Variants in ZNF536 observed in about 807,000 individuals in gnomAD.
ZNF536 encodes zinc finger protein 536.
In ZNF536, 13 loss-of-function variants were observed where a neutral mutation model predicts 84.5. The ratio of observed to expected loss-of-function variants is 0.15; its 90% confidence interval spans 0.10 to 0.24. The LOEUF (loss-of-function observed/expected upper bound fraction) is 0.24. ZNF536 is among the 10% of genes least tolerant of loss of function. The pLI, the probability that ZNF536 is intolerant of heterozygous loss-of-function variation, is 1.00. For missense variants in ZNF536, 1,536 were observed against 1,747.5 expected (o/e 0.88, Z 2.16); for synonymous variants, 811 against 742.5 (o/e 1.09, Z -1.50).
At chr19:30,597,392 G>C (rs996782124) in intron 1 of ZNF536, among the ~76,000 whole-genome samples, 1 of 152,186 alleles carries the variant, frequency 6.6e-6, no homozygotes, top group African/African-American at 2.4e-5. Context: ...TAGAAAACAC[G>C]GCCAATAGCA....
At chr19:30,402,447 T>G (rs1160833524) in intron 1 of ZNF536, among the ~76,000 whole-genome samples, 1 of 152,162 alleles carries the variant, frequency 6.6e-6, no homozygotes, top group Admixed American at 6.5e-5. Context: ...AGCATAATAC[T>G]TCTAAGGCAG....
At chr19:30,263,568 A>T (rs2025338507) in intron 1 of ZNF536, among the ~76,000 whole-genome samples, 1 of 152,136 alleles carries the variant, frequency 6.6e-6, no homozygotes. Context: ...AGGTGATCTC[A>T]TTCGCAACTC....
At chr19:30,307,917 G>C (rs561009442) in intron 2 of ZNF536, among the ~76,000 whole-genome samples, 1 of 152,194 alleles carries the variant, frequency 6.6e-6, no homozygotes, top group Non-Finnish European at 1.5e-5. Context: ...ACACTGGCAT[G>C]CTCCTCTAAC....
chr19:30,683,348 T>A (rs2051049549), intron 1 of ZNF536, among the ~76,000 whole-genome samples: 1 of 152,234 alleles, frequency 6.6e-6, no homozygotes, highest in Admixed American at 6.5e-5. Flanking sequence ...CTAAGTAATC[T>A]CCTTTCTAAT....
At chr19:30,226,816 C>A (rs573498364), upstream of ZNF536, among the ~76,000 whole-genome samples, 116 of 152,114 alleles carry the variant, frequency 7.6e-4, no homozygotes, top group African/African-American at 2.7e-3. This position sits in a 1 kb window ranked among gnomAD's most constrained non-coding sequence, Gnocchi z 4.6. Context: ...TGCGCGGCGT[C>A]TGGGAAGAGT....
Position 30,548,724 on chromosome 19 carries a change from C to T in ZNF536, c.3105C>T (p.Ile1035=), listed in dbSNP as rs149816388. ...LGKAKRKDNT[I]GVTVNCKDQA... ...AAGCGAAACGCAAAGATAACACCAT[C>T]GGGGTCACAGTCAACTGCAAAGACC... The change falls in exon 4 of 5, where the codon ATC becomes ATT. Residue 1035 remains isoleucine (I), a synonymous_variant. Coordinates refer to ENST00000355537, the MANE Select transcript of ZNF536 (RefSeq NM_014717.3). 1,922 of 1,613,972 alleles carry T rather than the reference C, an allele frequency of 1.2e-3. 1 individual carries two copies. Among genetic ancestry groups the T allele is most frequent in the Non-Finnish European group, 1.5e-3 (1,727 of 1,180,026 alleles).
intron 2 of ZNF536, among the ~76,000 whole-genome samples, chr19:30,472,998 C>G (rs1028046535): frequency 2.7e-5 from 4 of 149,976 alleles, no homozygotes; most frequent in African/African-American, 7.4e-5. Flanking sequence ...TCGAGACCAG[C>G]CTGGCCAACA....
chr19:30,334,482 T>C (rs1444007160), intron 2 of ZNF536, among the ~76,000 whole-genome samples: 1 of 152,172 alleles, frequency 6.6e-6, no homozygotes, highest in East Asian at 1.9e-4. Flanking sequence ...AGATTGGGGC[T>C]AGGGTTGGTA....
rs181529957 is a variant in ZNF536 at position 30,621,571 on chromosome 19, C to T, written c.169+72057C>T. ...AAAGCTATGCAGGGTGGCCTCCAAG[C>T]GCCAGACCTAAAAACAATATCTTTA... On this transcript the variant is annotated intron_variant, in intron 1 of 1. Transcript: ENST00000592773. Among the ~76,000 whole-genome samples, 10 of 152,314 alleles carry T rather than the reference C, an allele frequency of 6.6e-5. No individual in the cohort carries two copies. The East Asian group carries it at 1.3e-3, about 21-fold the overall frequency.
At chr19:30,623,048 G>T (rs2043312) in intron 1 of ZNF536, among the ~76,000 whole-genome samples, 134,650 of 138,424 alleles carry the variant, frequency 0.97, 65,557 homozygotes, top group Non-Finnish European at 0.99. Flanking sequence ...TTGTTTTTTT[G>T]TTTTTTTGAG....
chr19:30,632,247 A>G (rs1005965890), intron 1 of ZNF536, among the ~76,000 whole-genome samples: 32 of 152,214 alleles, frequency 2.1e-4, no homozygotes, highest in Non-Finnish European at 4.6e-4. Context: ...TTCTTTCTAC[A>G]ATAGCCATGG....
At chr19:30,578,054 T>G (rs1458288212) in intron 1 of ZNF536, among the ~76,000 whole-genome samples, 1 of 152,200 alleles carries the variant, frequency 6.6e-6, no homozygotes. Flanking sequence ...GCGGCTTTTG[T>G]GCTGATAAAT....
rs765623194 is a variant in ZNF536, at chr19:30,444,995, A to T, written c.1433A>T (p.His478Leu). 9 of 1,611,424 alleles carry T rather than the reference A, an allele frequency of 5.6e-6. No individual in the cohort carries two copies. The highest frequency in any genetic ancestry group is 7.6e-6 in the Non-Finnish European group (9 of 1,178,780). Residue 478 changes from histidine to leucine, a missense_variant, in exon 2 of 5, where the codon CAC (histidine) becomes CTC (leucine). Around this residue, in one of 8 missense-constraint regions of ZNF536, gnomAD observed 366 missense variants for 364.4 expected, o/e 1.00. Transcript: ENST00000355537. The part of the protein sequence containing the change: ...KLLSPISSMA[H>L]GVPEGDKHSL... ...CTGTCTCCCATCTCCAGCATGGCCC[A>T]CGGCGTCCCGGAGGGGGACAAGCAC... is the stretch of plus-strand genomic sequence containing the variant.
chr19:30,346,059 A>G (rs1173901121), intron 2 of ZNF536, among the ~76,000 whole-genome samples: 1 of 152,188 alleles, frequency 6.6e-6, no homozygotes, highest in Non-Finnish European at 1.5e-5. Context: ...TGCCACTATG[A>G]TGCTGCCACA....
At chr19:30,611,824 T>C (rs2048114986) in intron 1 of ZNF536, among the ~76,000 whole-genome samples, 1 of 152,218 alleles carries the variant, frequency 6.6e-6, no homozygotes, top group Non-Finnish European at 1.5e-5. Context: ...TACTTTCTGA[T>C]TGGCTAGGTC....
chr19:30,629,284 G>T (rs540149922), intron 1 of ZNF536, among the ~76,000 whole-genome samples: 1 of 152,062 alleles, frequency 6.6e-6, no homozygotes, highest in Non-Finnish European at 1.5e-5. Context: ...CTGCAGGCTC[G>T]ACCTCCTCGG....
At chr19:30,617,333 CTTTTTTTTT>C (rs556835599) in intron 1 of ZNF536, among the ~76,000 whole-genome samples, 501 of 37,612 alleles carry the variant, frequency 0.013, 2 homozygotes, top group Admixed American at 0.069. Flanking sequence ...GAATAGCTTA[CTTTTTTTTT>C]TTTTTTTTTT....
At chr19:30,439,441 C>A (rs1411577373) in intron 1 of ZNF536, among the ~76,000 whole-genome samples, 1 of 152,142 alleles carries the variant, frequency 6.6e-6, no homozygotes, top group African/African-American at 2.4e-5. Flanking sequence ...TTTTGTGAGT[C>A]CCAGGCCGGG....
intron 1 of ZNF536, among the ~76,000 whole-genome samples, chr19:30,599,962 T>C (rs1040050664): frequency 6.7e-6 from 1 of 148,410 alleles, no homozygotes; most frequent in African/African-American, 2.4e-5. Context: ...GTGTTTATGA[T>C]ACAACAATTT....
Sources: gnomAD v4.1 joint callset for allele counts (sites outside exome capture counted in the v4.1 genomes callset) on GRCh38, gnomAD v4.1.1 for gene constraint, gnomAD v4.1.1 regional missense constraint, Gnocchi (gnomAD v3.1) non-coding constraint, MANE v1.5 for transcripts, NCBI Gene and HGNC (gene_info 2026-07-23, HGNC 2026-07-21) for gene names.